Variants in B3GALT1 observed in about 807,000 individuals in gnomAD.
B3GALT1 encodes the protein UDP-Gal:betaGlcNAc beta 1,3-galactosyltransferase, polypeptide 1.
B3GALT1 carries 10 observed loss-of-function variants against 23.2 expected under a neutral mutation model. The ratio of observed to expected loss-of-function variants is 0.43; its 90% CI spans 0.27 to 0.73. The LOEUF (loss-of-function observed/expected upper bound fraction) is 0.73, where lower values mean the gene tolerates loss of function less well. Among genes scored for constraint, B3GALT1 ranks in the 30% least tolerant of loss-of-function variants. The pLI is 0.21. For missense variants in B3GALT1, 299 were observed against 405.4 expected, an observed-to-expected ratio of 0.74 and a Z score of 2.25; for synonymous variants, 156 against 141.5, an observed-to-expected ratio of 1.10 and a Z score of -0.73.
intron 4 of B3GALT1, among the ~76,000 whole-genome samples, chr2:167,850,386 A>AAAAAACAGTAG (rs1158935828): frequency 5.9e-5 from 9 of 152,212 alleles, no homozygotes; most frequent in Non-Finnish European, 1.3e-4. Flanking sequence ...TCAAAAAATC[A>AAAAAACAGTAG]AAAAACAGTA....
chr2:167,637,324 G>A (rs558681526), intron 2 of B3GALT1, among the ~76,000 whole-genome samples: 6 of 152,094 alleles, frequency 3.9e-5, no homozygotes, highest in East Asian at 3.9e-4. Context: ...CACCAGCACC[G>A]TTATACTAAT....
chr2:167,319,956 A>G (rs1696782669), intron 1 of B3GALT1, among the ~76,000 whole-genome samples: 1 of 152,046 alleles, frequency 6.6e-6, no homozygotes, highest in Admixed American at 6.6e-5. Context: ...TGACTTAGTT[A>G]TTACTTACAT....
chr2:167,660,516 G>A (rs1334893365), intron 3 of B3GALT1, among the ~76,000 whole-genome samples: 1 of 152,042 alleles, frequency 6.6e-6, no homozygotes, highest in Non-Finnish European at 1.5e-5. Flanking sequence ...AGGTCTCAGG[G>A]GCCTGAGTAT....
chr2:167,487,756 T>C (rs1056756091), intron 1 of B3GALT1, among the ~76,000 whole-genome samples: 1 of 152,190 alleles, frequency 6.6e-6, no homozygotes. Flanking sequence ...GATATATGTA[T>C]CTGAAAGCAT....
At chr2:167,308,142 C>T (rs1263385165) in intron 1 of B3GALT1, among the ~76,000 whole-genome samples, 1 of 151,704 alleles carries the variant, frequency 6.6e-6, no homozygotes, top group Non-Finnish European at 1.5e-5. Flanking sequence ...TTAATAAAAC[C>T]TTAGGCAGTA....
At chr2:167,818,593 G>A (rs1452724210) in intron 3 of B3GALT1, among the ~76,000 whole-genome samples, 79 bp from the exon 4 acceptor site, 6 of 151,858 alleles carry the variant, frequency 4.0e-5, no homozygotes, top group African/African-American at 1.5e-4. Context: ...TTTTAAAGTG[G>A]CAGTTCTGTT....
chr2:167,525,382 A>G (rs760789339), intron 2 of B3GALT1, among the ~76,000 whole-genome samples: 3 of 151,970 alleles, frequency 2.0e-5, no homozygotes, highest in Non-Finnish European at 4.4e-5. Flanking sequence ...AACATTTCAC[A>G]TTTATTATTC....
intron 2 of B3GALT1, among the ~76,000 whole-genome samples, chr2:167,531,597 T>C (rs1683327581): frequency 6.6e-6 from 1 of 152,238 alleles, no homozygotes; most frequent in Non-Finnish European, 1.5e-5. Context: ...TATATTGTTC[T>C]AAAAAGTTAA....
chr2:167,810,097 A>T (rs373130675), intron 3 of B3GALT1, among the ~76,000 whole-genome samples: 4 of 145,694 alleles, frequency 2.7e-5, no homozygotes, highest in African/African-American at 1.1e-4. Context: ...CGTGGGATAT[A>T]ATCTCCTGGT....
intron 3 of B3GALT1, among the ~76,000 whole-genome samples, chr2:167,805,282 G>A (rs1422856788): frequency 3.9e-5 from 6 of 152,050 alleles, no homozygotes. Flanking sequence ...TAGGTTGCCT[G>A]TTCACTCTGA....
chr2:167,742,831 A>G (rs1386721438), intron 3 of B3GALT1, among the ~76,000 whole-genome samples: 3 of 152,036 alleles, frequency 2.0e-5, no homozygotes, highest in African/African-American at 4.8e-5. Flanking sequence ...TTCTAATACC[A>G]TTGTGCCTTT....
rs111624224 is a variant in B3GALT1 at position 167,418,212 on chromosome 2, C to G, written c.-510-71965C>G. 7.8e-3 allele frequency among the ~76,000 whole-genome samples: 1,184 copies of G among 152,302 alleles called. 11 individuals are homozygous for G. Among genetic ancestry groups the G allele is most frequent in the Middle Eastern group, 0.024 (7 of 294 alleles). ...AAAGTTACAGATCCCAGTCCCTGTG[C>G]TTTTCTAGCATTTCTTGAAAGCTCA... On this transcript the variant is annotated intron_variant, in intron 1 of 4. Transcript: ENST00000392690.
chr2:167,789,168 T>A (rs763796650), intron 3 of B3GALT1, among the ~76,000 whole-genome samples: 4 of 152,198 alleles, frequency 2.6e-5, no homozygotes, highest in Non-Finnish European at 4.4e-5. Flanking sequence ...GGAAGACAGG[T>A]CACTACATCA....
intron 1 of B3GALT1, among the ~76,000 whole-genome samples, chr2:167,366,303 A>G (rs1220018128): frequency 1.3e-5 from 2 of 152,334 alleles, no homozygotes; most frequent in East Asian, 3.9e-4. Flanking sequence ...ATAGGTAGTA[A>G]TAGATAAGAA....
chr2:167,387,622 C>T (rs560617562), intron 1 of B3GALT1, among the ~76,000 whole-genome samples: 56 of 152,276 alleles, frequency 3.7e-4, no homozygotes, highest in South Asian at 6.2e-4. Context: ...TGAATCAATT[C>T]GTTACTAATG....
At chr2:167,353,888 C>CT (rs1006440533) in intron 1 of B3GALT1, among the ~76,000 whole-genome samples, 7 of 151,126 alleles carry the variant, frequency 4.6e-5, no homozygotes, top group Admixed American at 3.3e-4. Context: ...ACAAATCCTC[C>CT]TTTTTTTTTC....
chr2:167,374,526 T>C (rs543175145), intron 1 of B3GALT1, among the ~76,000 whole-genome samples: 2 of 152,236 alleles, frequency 1.3e-5, no homozygotes, highest in South Asian at 2.1e-4. Context: ...ACCAGCTCTG[T>C]TTTTTATCTT....
At chr2:167,792,072 A>T (rs891534271) in intron 3 of B3GALT1, among the ~76,000 whole-genome samples, 23 of 122,818 alleles carry the variant, frequency 1.9e-4, no homozygotes, top group African/African-American at 7.9e-4. Context: ...TGCAAATCTA[A>T]AAAAAAAAAG....
intron 4 of B3GALT1, among the ~76,000 whole-genome samples, chr2:167,858,011 TAA>T (rs1411008169): frequency 6.6e-6 from 1 of 152,174 alleles, no homozygotes; most frequent in East Asian, 1.9e-4. Context: ...TAAACCTCTG[TAA>T]AATAATCATG....
Sources: gnomAD v4.1 joint callset for allele counts (sites outside exome capture counted in the v4.1 genomes callset) on GRCh38, gnomAD v4.1.1 for gene constraint, MANE v1.5 for transcripts, NCBI Gene and HGNC (gene_info 2026-07-23, HGNC 2026-07-21) for gene names.